MBTPS1: variants seen among roughly 807,000 people sequenced by gnomAD.
MBTPS1 encodes membrane bound transcription factor peptidase, site 1, also known as membrane-bound transcription factor site-1 protease.
In MBTPS1, 94 loss-of-function variants were observed where a neutral mutation model predicts 127.8. That is an observed-to-expected ratio of 0.74 (90% confidence interval 0.62 to 0.87). The LOEUF (loss-of-function observed/expected upper bound fraction) is 0.87, where lower values mean the gene tolerates loss of function less well. Among genes scored for constraint, MBTPS1 ranks in the 40% least tolerant of loss-of-function variants. The pLI is 0.00. For missense variants in MBTPS1, 1,636 were observed against 1,353.2 expected, an observed-to-expected ratio of 1.21 and a Z score of -3.28; for synonymous variants, 632 against 509.4, an observed-to-expected ratio of 1.24 and a Z score of -3.24.
At chr16:84,104,049 C>G (rs1567503958) in intron 1 of MBTPS1, among the ~76,000 whole-genome samples, 1 of 152,172 alleles carries the variant, frequency 6.6e-6, no homozygotes, top group Non-Finnish European at 1.5e-5. Flanking sequence ...TTTCTTTATG[C>G]TTGATACATC....
At position 84,076,386 on chromosome 16, in the gene MBTPS1, G is replaced by A. The variant is rs556701192; in HGVS notation, c.1449-1645C>T. 1.9e-4 allele frequency among the ~76,000 whole-genome samples: 29 copies of A among 152,164 alleles called. No homozygotes were observed. In the South Asian group the frequency reaches 5.6e-3, roughly 29 times the overall value. ...CATTTCCATTAAGATTAGGAACAAC[G>A]TAAGGATAGCCACTCTCTCCCCTGC... is the stretch of plus-strand genomic sequence containing the variant. On this transcript the variant is annotated intron_variant, in intron 11 of 22. Coordinates refer to ENST00000343411, the MANE Select transcript of MBTPS1 (RefSeq NM_003791.4).
At chr16:84,083,575 G>C (rs1329572077) in intron 10 of MBTPS1, among the ~76,000 whole-genome samples, 1 of 152,012 alleles carries the variant, frequency 6.6e-6, no homozygotes. Flanking sequence ...ACAGGTGTGA[G>C]CTACCACAAC....
At chr16:84,080,396 G>C (rs558527187) in intron 11 of MBTPS1, among the ~76,000 whole-genome samples, 3 of 152,224 alleles carry the variant, frequency 2.0e-5, no homozygotes, top group Non-Finnish European at 4.4e-5. Flanking sequence ...AGTATGTGAC[G>C]AAACAAGGCC....
intron 1 of MBTPS1, among the ~76,000 whole-genome samples, chr16:84,116,487 C>T (rs750822116): frequency 2.6e-5 from 4 of 152,252 alleles, no homozygotes; most frequent in Non-Finnish European, 4.4e-5. Flanking sequence ...TCGGTGAATG[C>T]TCATTTCACG....
chr16:84,081,133 C>T (rs916511649), intron 11 of MBTPS1, among the ~76,000 whole-genome samples: 3 of 152,180 alleles, frequency 2.0e-5, no homozygotes, highest in African/African-American at 7.2e-5. Flanking sequence ...CAGACTCTGA[C>T]GCTCATACTG....
intron 3 of MBTPS1, 91 bp downstream of exon 3, chr16:84,098,962 A>G: frequency 8.2e-7 from 1 of 1,218,998 alleles, no homozygotes; most frequent in Non-Finnish European, 1.2e-6. Flanking sequence ...AAGGATGCGG[A>G]TACTCACTGT....
intron 1 of MBTPS1, among the ~76,000 whole-genome samples, chr16:84,108,001 T>C (rs1376507776): frequency 2.0e-5 from 3 of 151,092 alleles, no homozygotes; most frequent in Non-Finnish European, 2.9e-5. Flanking sequence ...CCACTGTGTC[T>C]GGCCTGGGCC....
chr16:84,085,479 C>T (rs1019481893), intron 9 of MBTPS1, among the ~76,000 whole-genome samples: 2 of 151,556 alleles, frequency 1.3e-5, no homozygotes, highest in Non-Finnish European at 2.9e-5. Flanking sequence ...CACCTGAGCC[C>T]GGGAGGTCAA....
In MBTPS1 at chr16:84,059,427, T is replaced by G. The variant is rs1345457526; in HGVS notation, c.2706A>C (p.Gly902=). The change falls in exon 21 of 23, where the codon GGA becomes GGC. Residue 902 remains glycine (G), a splice_region_variant and synonymous_variant. Transcript: ENST00000343411. The part of the protein sequence containing the change: ...AGSVTPERME[G]NHLHRYSKVL... ...CCTTGGAGTACCGATGAAGATGGTT[T>G]CCTGTGGTTAGCAGCAACATCAACA... 6.2e-7 allele frequency: 1 copy of G among 1,608,342 alleles called. No individual in the cohort carries two copies. The highest frequency in any genetic ancestry group is 1.3e-5 in the African/African-American group (1 of 74,696).
intron 21 of MBTPS1, among the ~76,000 whole-genome samples, chr16:84,058,502 C>T (rs558869275): frequency 3.9e-5 from 6 of 152,306 alleles, no homozygotes; most frequent in East Asian, 1.9e-4. Context: ...TGTGCCTGCC[C>T]GGCCACGGAC....
intron 21 of MBTPS1, among the ~76,000 whole-genome samples, 155 bp downstream of exon 21, chr16:84,059,147 C>G (rs2151140162): frequency 6.6e-6 from 1 of 152,340 alleles, no homozygotes; most frequent in East Asian, 1.9e-4. Context: ...TTTCCAAAGG[C>G]CAATACGAGG....
chr16:84,067,297 C>G (rs1246769898), intron 16 of MBTPS1, among the ~76,000 whole-genome samples: 1 of 152,158 alleles, frequency 6.6e-6, no homozygotes, highest in African/African-American at 2.4e-5. Flanking sequence ...AAACATCTTA[C>G]TCTATGAGCA....
At position 84,069,981 on chromosome 16, in the gene MBTPS1, T is replaced by C; in HGVS notation, c.1840A>G (p.Ile614Val). 6.2e-7 allele frequency: 1 copy of C among 1,614,146 alleles called. No homozygotes were observed. The highest frequency in any genetic ancestry group is 8.5e-7 in the Non-Finnish European group (1 of 1,180,010). The change falls in exon 14 of 23, where the codon ATT (isoleucine) becomes GTT (valine). Residue 614 changes from isoleucine to valine, a missense_variant. Physicochemically the swap from Ile to Val is conservative, Grantham distance 29. Transcript: ENST00000343411. ...TVKLPIKVKI[I>V]PTPPRSKRVL... ...CTCTTGCTTCGCGGGGGAGTAGGAA[T>C]TATCTTCACCTTAATGGGGAGCTTT...
chr16:84,075,533 T>A (rs2085842575), intron 11 of MBTPS1: 2 of 140,962 alleles, frequency 1.4e-5, no homozygotes, highest in African/African-American at 5.3e-5. Flanking sequence ...CACGATGGCC[T>A]CCCTGAGAGC....
At chr16:84,099,863 A>C (rs2086230578) in intron 2 of MBTPS1, among the ~76,000 whole-genome samples, 1 of 152,198 alleles carries the variant, frequency 6.6e-6, no homozygotes, top group Non-Finnish European at 1.5e-5. Flanking sequence ...TTTTTTTAAA[A>C]AGCAAATACC....
chr16:84,054,356 C>T lies in MBTPS1; in HGVS notation c.*93G>A. On this transcript the variant is annotated 3_prime_UTR_variant, in exon 23 of 23. Transcript: ENST00000343411. ...ACAAACCTGCAGCTGGAAACTGGAT[C>T]CCTTTTAAACCAGCCGCCACCACAG... The T allele has an allele frequency of 8.7e-7, 1 of 1,152,792 alleles. No homozygotes were observed. Among genetic ancestry groups the T allele is most frequent in the South Asian group, 1.7e-5 (1 of 60,180 alleles). 71.4% of individuals were successfully genotyped at this position (1,152,792 alleles called of 1,614,324 possible).
intron 11 of MBTPS1, among the ~76,000 whole-genome samples, chr16:84,080,841 C>T (rs372182166): frequency 2.0e-5 from 3 of 152,248 alleles, no homozygotes; most frequent in African/African-American, 4.8e-5. Context: ...GGCCCTCACT[C>T]CCCACATATC....
chr16:84,110,076 C>T (rs142805634), intron 1 of MBTPS1, among the ~76,000 whole-genome samples: 10 of 152,308 alleles, frequency 6.6e-5, no homozygotes, highest in East Asian at 3.9e-4. Flanking sequence ...CTGCCAAGGA[C>T]GCATGAGGCT....
intron 6 of MBTPS1, among the ~76,000 whole-genome samples, chr16:84,092,952 T>C (rs1158806225): frequency 2.0e-5 from 3 of 152,128 alleles, no homozygotes; most frequent in African/African-American, 2.4e-5. Flanking sequence ...TCGTCGTAAG[T>C]AGTAGCCTCG....
Sources: allele counts gnomAD v4.1 joint callset (sites outside exome capture counted in the v4.1 genomes callset), GRCh38; gene constraint gnomAD v4.1.1; transcripts MANE v1.5; gene names NCBI Gene and HGNC (gene_info 2026-07-23, HGNC 2026-07-21).